Variants in EIF4G3 observed in about 807,000 individuals in gnomAD.
EIF4G3 encodes eukaryotic translation initiation factor 4 gamma 3.
A neutral mutation model predicts 186.4 loss-of-function variants in EIF4G3; 34 were observed. The ratio of observed to expected loss-of-function variants is 0.18; its 90% CI spans 0.14 to 0.24. The LOEUF (loss-of-function observed/expected upper bound fraction) is 0.24. Among genes scored for constraint, EIF4G3 ranks in the 10% least tolerant of loss-of-function variants. EIF4G3 has a pLI of 1.00. For synonymous variants in EIF4G3, 673 were observed against 679.5 expected (o/e 0.99, Z 0.15); for missense variants, 1,536 against 1,948.5 (o/e 0.79, Z 3.99).
intron 20 of EIF4G3, among the ~76,000 whole-genome samples, chr1:20,875,992 C>G (rs2080668461): frequency 6.6e-6 from 1 of 151,894 alleles, no homozygotes. Flanking sequence ...AAGGCTGAGG[C>G]AAGCAGATCA....
At chr1:21,153,900 G>C (rs939484196) in intron 2 of EIF4G3, among the ~76,000 whole-genome samples, 1 of 151,782 alleles carries the variant, frequency 6.6e-6, no homozygotes, top group Non-Finnish European at 1.5e-5. Context: ...CAACAGTGAA[G>C]CCAGCAAAAG....
Position 20,900,051 on chromosome 1 carries a change from G to A in EIF4G3, c.1753-108C>T, listed in dbSNP as rs953149512. 4.4e-6 allele frequency: 5 copies of A among 1,139,560 alleles called. No homozygotes were observed. In the African/African-American group the frequency reaches 7.8e-5, roughly 18 times the overall value. 70.6% of individuals were successfully genotyped at this position (1,139,560 alleles called of 1,614,324 possible). On this transcript the variant is annotated intron_variant, in intron 15 of 36. Transcript: ENST00000602326. Reference sequence around the variant, plus strand: ...AAGCAAAGGAAAACATGTCATTCAAGGTAAGAATGTCTGTGTTCAGCATGT... The same window carrying A: ...AAGCAAAGGAAAACATGTCATTCAAAGTAAGAATGTCTGTGTTCAGCATGT...
At chr1:21,065,769 G>A (rs1284954260) in intron 3 of EIF4G3, among the ~76,000 whole-genome samples, 1 of 152,124 alleles carries the variant, frequency 6.6e-6, no homozygotes, top group Non-Finnish European at 1.5e-5. Flanking sequence ...ATAATGCCTA[G>A]TATATAAAAA....
intron 17 of EIF4G3, among the ~76,000 whole-genome samples, chr1:20,894,755 ATTACT>A (rs2087357323): frequency 6.6e-6 from 1 of 152,204 alleles, no homozygotes; most frequent in Non-Finnish European, 1.5e-5. Flanking sequence ...CTCTGATGAA[ATTACT>A]TTAGTAGATC....
intron 4 of EIF4G3, among the ~76,000 whole-genome samples, chr1:21,012,362 C>T (rs2087398137): frequency 6.6e-6 from 1 of 152,136 alleles, no homozygotes; most frequent in African/African-American, 2.4e-5. Flanking sequence ...CATTTCAAAT[C>T]CCACTGCAAT....
chr1:21,086,518 TCTC>T (rs2095985394), intron 3 of EIF4G3, among the ~76,000 whole-genome samples: 1 of 152,184 alleles, frequency 6.6e-6, no homozygotes, highest in Non-Finnish European at 1.5e-5. Context: ...TGCCTTCTCT[TCTC>T]TACCTACAGA....
intron 2 of EIF4G3, among the ~76,000 whole-genome samples, chr1:21,103,498 A>G (rs1403262650): frequency 6.6e-6 from 1 of 152,176 alleles, no homozygotes; most frequent in Non-Finnish European, 1.5e-5. Context: ...AATGGTGACT[A>G]TGAGGATAAA....
At chr1:20,976,436 T>C (rs1328113592) in intron 10 of EIF4G3, among the ~76,000 whole-genome samples, 3 of 150,488 alleles carry the variant, frequency 2.0e-5, no homozygotes, top group Non-Finnish European at 4.4e-5. Flanking sequence ...CATGAAATGA[T>C]ACTGGCAGTA....
chr1:20,946,493 G>C (rs990372771), intron 13 of EIF4G3, among the ~76,000 whole-genome samples: 1 of 152,136 alleles, frequency 6.6e-6, no homozygotes, highest in African/African-American at 2.4e-5. Context: ...AATGTAAAAT[G>C]GTAGATTTGT....
intron 4 of EIF4G3, among the ~76,000 whole-genome samples, chr1:21,050,555 A>T (rs1392558999): frequency 6.6e-6 from 1 of 152,234 alleles, no homozygotes; most frequent in African/African-American, 2.4e-5. Context: ...CAGATTAAGC[A>T]TCGAAAAGCA....
chr1:21,145,435 CTTTT>C (rs369144943), intron 2 of EIF4G3, among the ~76,000 whole-genome samples: 1 of 144,892 alleles, frequency 6.9e-6, no homozygotes, highest in Non-Finnish European at 1.5e-5. Context: ...TATTTTATGC[CTTTT>C]TTTTTTTTAA....
At chr1:20,815,036 C>T (rs1452598347) in intron 34 of EIF4G3, among the ~76,000 whole-genome samples, 60 of 73,818 alleles carry the variant, frequency 8.1e-4, no homozygotes, top group Admixed American at 2.5e-3. Flanking sequence ...CCGCCAGCCT[C>T]GGCCTCCCGA....
Position 20,941,088 on chromosome 1 carries a change from T to C in EIF4G3, c.1663+403A>G, listed in dbSNP as rs1362714115. On this transcript the variant is annotated intron_variant, in intron 14 of 36. Transcript: ENST00000602326. ...CATGCATAGAAGAGTTCCTTTAGGA[T>C]TGACTGGGTTTTAAAATTCTAGGAA... Among the ~76,000 whole-genome samples the C allele has an allele frequency of 3.3e-5, 5 of 152,180 alleles. 1 individual carries two copies. The highest frequency in any genetic ancestry group is 7.2e-5 in the African/African-American group (3 of 41,430).
intron 15 of EIF4G3, among the ~76,000 whole-genome samples, chr1:20,903,325 C>A (rs1158027726): frequency 1.3e-5 from 2 of 152,038 alleles, no homozygotes; most frequent in African/African-American, 4.8e-5. Flanking sequence ...TTTGGTGAAC[C>A]TCAAGCTGAA....
Position 20,941,709 on chromosome 1 carries a change from G to C in EIF4G3, c.1445C>G (p.Pro482Arg). Residue 482 changes from proline (P) to arginine (R), a missense_variant, in exon 14 of 37, where the codon CCT (proline) becomes CGT (arginine). Pro to Arg is a moderately radical substitution (Grantham distance 103). Around this residue, in one of 11 missense-constraint regions of EIF4G3, gnomAD observed 560 missense variants for 547.8 expected, o/e 1.02. Transcript: ENST00000602326. ...AGCAGGAACAATGACTGGAGTGTGAGGAGGAGAAGCTGGAGGAGTTGGAGG... is the reference window on the plus strand; with the variant it reads ...AGCAGGAACAATGACTGGAGTGTGACGAGGAGAAGCTGGAGGAGTTGGAGG... ...PTPPTPPASPPHTPVIVPAAA... is the reference protein window; with the variant it reads ...PTPPTPPASPRHTPVIVPAAA... 6.2e-7 allele frequency: 1 copy of C among 1,612,530 alleles called. No homozygotes were observed.
intron 2 of EIF4G3, 29 bp downstream of exon 2, chr1:21,176,145 GA>G (rs753758002): frequency 2.7e-6 from 1 of 370,922 alleles, no homozygotes. Flanking sequence ...GACGAGAACC[GA>G]AGGGCCGACA....
At chr1:21,058,749 T>TG (rs2094717320) in intron 3 of EIF4G3, among the ~76,000 whole-genome samples, 2 of 102,212 alleles carry the variant, frequency 2.0e-5, no homozygotes, top group African/African-American at 7.4e-5. Flanking sequence ...TTTTTTTTTT[T>TG]GTAGAGACAA....
At chr1:21,054,286 G>A (rs1262566606) in intron 3 of EIF4G3, among the ~76,000 whole-genome samples, 1 of 147,864 alleles carries the variant, frequency 6.8e-6, no homozygotes, top group Non-Finnish European at 1.5e-5. Context: ...CCCGTTAAGA[G>A]TCATCACCAC....
chr1:20,973,306 T>G (rs760293965), intron 10 of EIF4G3, among the ~76,000 whole-genome samples: 2 of 152,248 alleles, frequency 1.3e-5, no homozygotes, highest in Non-Finnish European at 2.9e-5. Context: ...TCTTCAAACA[T>G]TCACAAACAT....
Sources: gnomAD v4.1 joint callset for allele counts (sites outside exome capture counted in the v4.1 genomes callset) on GRCh38, gnomAD v4.1.1 for gene constraint, gnomAD v4.1.1 regional missense constraint, MANE v1.5 for transcripts, NCBI Gene and HGNC (gene_info 2026-07-23, HGNC 2026-07-21) for gene names.